Variants in PYGM observed in about 807,000 individuals in gnomAD.
PYGM encodes glycogen phosphorylase, muscle form.
Under a neutral mutation model 99.3 loss-of-function variants are expected in PYGM, and 81 were observed. The observed-to-expected ratio is 0.82, with a 90% confidence interval of 0.68 to 0.98. PYGM has a LOEUF of 0.98. Ranked by LOEUF, PYGM falls within the 50% of genes least tolerant of loss-of-function variation. The pLI is 0.00. For missense variants in PYGM, 1,030 were observed against 1,158.1 expected, an observed-to-expected ratio of 0.89 and a Z score of 1.61; for synonymous variants, 436 against 451.5, an observed-to-expected ratio of 0.97 and a Z score of 0.44.
At chr11:64,758,816 T>A (rs546289933) in intron 1 of PYGM, 112 bp from the exon 2 acceptor site, 17 of 930,700 alleles carry the variant, frequency 1.8e-5, no homozygotes, top group African/African-American at 3.2e-5. Context: ...AGCAGTCCCA[T>A]CCCTGTCCCC....
At chr11:64,752,116 C>T (rs764935376) in intron 13 of PYGM, 45 bp from the exon 14 acceptor site, 11 of 1,613,496 alleles carry the variant, frequency 6.8e-6, no homozygotes, top group Admixed American at 1.7e-5. Context: ...GCCACAGCCT[C>T]AGGAAATCCT....
intron 11 of PYGM, 88 bp downstream of exon 11, chr11:64,753,431 T>C: frequency 6.8e-7 from 1 of 1,472,788 alleles, no homozygotes; most frequent in Non-Finnish European, 9.1e-7. Flanking sequence ...GACCAGAGAG[T>C]GGTCGGTGAA....
intron 4 of PYGM, 38 bp downstream of exon 4, chr11:64,758,208 C>A: frequency 6.4e-7 from 1 of 1,563,324 alleles, no homozygotes; most frequent in South Asian, 1.1e-5. Context: ...CTTCCCCATC[C>A]TGACTAGACC....
Position 64,758,264 on chromosome 11 carries a change from C to T in PYGM, c.510G>A (p.Lys170=), listed in dbSNP as rs1214431808. ...TGCTCACCTGCCAGCCCCCGGAGAT[C>T]TTCTGGTTAAAAATCCCAAACTCAT... ...IRYEFGIFNQ[K]ISGGWQMEEA... The change falls in exon 4 of 20, where the codon AAG becomes AAA. Residue 170 remains lysine, a synonymous_variant. Transcript: ENST00000164139. 1.2e-6 allele frequency: 2 copies of T among 1,613,722 alleles called. No homozygotes were observed. Among genetic ancestry groups the T allele is most frequent in the Non-Finnish European group, 1.7e-6 (2 of 1,179,596 alleles).
At position 64,753,575 on chromosome 11, in the gene PYGM, C is replaced by T. The variant is rs141152121; in HGVS notation, c.1347G>A (p.Gly449=). Residue 449 remains glycine (G), a synonymous_variant, in exon 11 of 20, where the codon GGG becomes GGA. Coordinates refer to ENST00000164139, the MANE Select transcript of PYGM (RefSeq NM_005609.4). ...RINMAHLCIA[G]SHAVNGVARI... ...GCGCCACGCCGTTGACGGCGTGCGACCCCGCGATGCACAGGTGTGCCATGT... is the reference window on the plus strand; with the variant it reads ...GCGCCACGCCGTTGACGGCGTGCGATCCCGCGATGCACAGGTGTGCCATGT... The T allele has an allele frequency of 1.2e-6, 2 of 1,605,188 alleles. No homozygotes were observed. Among genetic ancestry groups the T allele is most frequent in the Non-Finnish European group, 1.7e-6 (2 of 1,178,068 alleles).
chr11:64,747,776 C>T (rs1372937992), intron 17 of PYGM: 2 of 299,468 alleles, frequency 6.7e-6, no homozygotes, highest in South Asian at 3.1e-5. Context: ...TGGTGGCTCA[C>T]GCCTGTAATC....
At position 64,753,861 on chromosome 11, in the gene PYGM, C is replaced by G. The variant is rs533410561; in HGVS notation, c.1239+18G>C. The G allele has an allele frequency of 1.0e-5, 16 of 1,560,344 alleles. No individual in the cohort carries two copies. The African/African-American group carries it at 2.2e-4, about 21-fold the overall frequency. On this transcript the variant is annotated intron_variant, in intron 10 of 19. Transcript: ENST00000164139. ...TCCCCCCTCACCCCCACACCATCCC[C>G]CAAGCCTCCGGACTCACGTTGAGGA...
Position 64,759,701 on chromosome 11 carries a change from C to T in PYGM, c.198G>A (p.Gly66=). 4 of 1,614,164 alleles carry T rather than the reference C, an allele frequency of 2.5e-6. No homozygotes were observed. Among genetic ancestry groups the T allele is most frequent in the Non-Finnish European group, 3.4e-6 (4 of 1,180,022 alleles). Residue 66 remains glycine, a synonymous_variant, in exon 1 of 20, where the codon GGG becomes GGA. Transcript: ENST00000164139. ...AGTGCTGCTGCGTGCGGATCCAGCG[C>T]CCCACGAGGTGGTCGCGCACGGTAT... ...LAHTVRDHLV[G]RWIRTQQHYY...
rs1348854811 is a variant in PYGM, at chr11:64,754,877, G to C, written c.856-41C>G. The C allele has an allele frequency of 2.5e-6, 4 of 1,610,280 alleles. No individual in the cohort carries two copies. The highest frequency in any genetic ancestry group is 3.4e-6 in the Non-Finnish European group (4 of 1,179,266). On this transcript the variant is annotated intron_variant, in intron 7 of 19. Coordinates refer to ENST00000164139, the MANE Select transcript of PYGM (RefSeq NM_005609.4). The surrounding 1 kb of genome is among the most constrained non-coding windows in gnomAD (Gnocchi z 5.5). ...GGCAGCGTGAGTCAGGGCGGTGGGG[G>C]CATGGCCTAAAGCTGCGGTGGGTGT...
chr11:64,758,688 G>A lies in PYGM; in HGVS notation c.260C>T (p.Ser87Phe). Residue 87 changes from serine to phenylalanine, a missense_variant, in exon 2 of 20, where the codon TCT becomes TTT. By Grantham distance (155) the Ser-to-Phe change is radical. Coordinates refer to ENST00000164139, the MANE Select transcript of PYGM (RefSeq NM_005609.4). ...CGTCCGTCCCATATAGAACTCTAAA[G>A]ACAGGTAGTAGATCCTCTGCCCAGA... ...EKDPKRIYYL[S>F]LEFYMGRTLQ... The A allele has an allele frequency of 1.2e-6, 2 of 1,609,046 alleles. No individual in the cohort carries two copies. Among genetic ancestry groups the A allele is most frequent in the Non-Finnish European group, 1.7e-6 (2 of 1,175,472 alleles).
chr11:64,760,398 C>A (rs1174396267), upstream of PYGM: 3 of 180,466 alleles, frequency 1.7e-5, no homozygotes, highest in Non-Finnish European at 3.6e-5. Flanking sequence ...CTAGCAGAGG[C>A]CACTGGATGT....
Position 64,752,198 on chromosome 11 carries a change from G to C in PYGM, c.1621-127C>G, listed in dbSNP as rs146026771. 2,054 of 1,408,126 alleles carry C rather than the reference G, an allele frequency of 1.5e-3. 25 individuals carry two copies. The African/African-American group carries it at 0.026, about 18-fold the overall frequency. 87.2% of individuals were successfully genotyped at this position (1,408,126 alleles called of 1,614,324 possible). A position where few individuals can be genotyped will look rare whatever the true frequency, so the allele number is the denominator to read the frequency against. ...TCACTGGCTACTTCTGTCCACTCCT[G>C]TACCAGGGCAGACATTGCTAATCAA... On this transcript the variant is annotated intron_variant, in intron 13 of 19. Coordinates refer to ENST00000164139, the MANE Select transcript of PYGM (RefSeq NM_005609.4).
Position 64,746,412 on chromosome 11 carries a change from A to C in PYGM, c.*247T>G, listed in dbSNP as rs1215131632. On this transcript the variant is annotated 3_prime_UTR_variant, in exon 20 of 20. Transcript: ENST00000164139. Reference sequence around the variant, plus strand: ...AGTAAGGAGGCTCCCAAGGAGAATGAATTTATTAGGGAGTGGGTGCAGTTG... The same window carrying C: ...AGTAAGGAGGCTCCCAAGGAGAATGCATTTATTAGGGAGTGGGTGCAGTTG... 3.4e-6 allele frequency: 2 copies of C among 593,832 alleles called. No individual in the cohort carries two copies. Among genetic ancestry groups the C allele is most frequent in the African/African-American group, 3.7e-5 (2 of 53,722 alleles). 36.8% of individuals were successfully genotyped at this position (593,832 alleles called of 1,614,324 possible). A position where few individuals can be genotyped will look rare whatever the true frequency, so the allele number is the denominator to read the frequency against.
Position 64,755,172 on chromosome 11 carries a change from TG to T in PYGM, c.855+100del. 1 of 1,334,890 alleles carries T rather than the reference TG, an allele frequency of 7.5e-7. No individual in the cohort carries two copies. Among genetic ancestry groups the T allele is most frequent in the East Asian group, 2.3e-5 (1 of 43,506 alleles). 82.7% of individuals were successfully genotyped at this position (1,334,890 alleles called of 1,614,324 possible). A position where few individuals can be genotyped will look rare whatever the true frequency, so the allele number is the denominator to read the frequency against. ...GATGCACAAGGCCAGCAATATGCCC[TG>T]GGTGTGACTAGGGCACCAGCAAGTG... On this transcript the variant is annotated intron_variant, in intron 7 of 19. Coordinates refer to ENST00000164139, the MANE Select transcript of PYGM (RefSeq NM_005609.4). The surrounding 1 kb of genome is among the most constrained non-coding windows in gnomAD (Gnocchi z 4.1).
At chr11:64,750,721 G>A in intron 16 of PYGM, 138 bp from the exon 17 acceptor site, 1 of 775,264 alleles carries the variant, frequency 1.3e-6, no homozygotes, top group Non-Finnish European at 2.1e-6. Context: ...CACCAGCCAA[G>A]CCTCCCTCTC....
rs1326178501 is a variant in PYGM, at chr11:64,751,763, C to T, written c.1769-108G>A. The T allele has an allele frequency of 2.6e-6, 4 of 1,524,748 alleles. No individual in the cohort carries two copies. The African/African-American group carries it at 4.1e-5, about 16-fold the overall frequency. The allele number at this position is 1,524,748 out of a possible 1,614,324, so 94.5% of individuals were successfully genotyped here. ...TAGGCCTGACTCGAACAATCACTTG[C>T]TATGCTCTCTTAGCCTCAGTTTGCC... is the stretch of plus-strand genomic sequence containing the variant. On this transcript the variant is annotated intron_variant, in intron 14 of 19. Transcript: ENST00000164139.
At position 64,759,891 on chromosome 11, in the gene PYGM, C is replaced by A; in HGVS notation, c.8G>T (p.Arg3Leu). Residue 3 changes from arginine (R) to leucine (L), a missense_variant, in exon 1 of 20, where the codon CGG (arginine) becomes CTG (leucine). Arg to Leu is a moderately radical substitution (Grantham distance 102). Coordinates refer to ENST00000164139, the MANE Select transcript of PYGM (RefSeq NM_005609.4). ...TCTTTTCTCTTGGTCTGACAGGGGC[C>A]GGGACATGGCTGCAGGAGGGCGGGC... MS[R>L]PLSDQEKRKQ... is the part of the protein sequence containing the mutation. The A allele has an allele frequency of 2.5e-6, 4 of 1,614,014 alleles. No homozygotes were observed. The highest frequency in any genetic ancestry group is 3.4e-6 in the Non-Finnish European group (4 of 1,180,002).
In PYGM at chr11:64,751,910, T is replaced by C. The variant is rs1592409541; in HGVS notation, c.1768+14A>G. On this transcript the variant is annotated intron_variant, in intron 14 of 19. Coordinates refer to ENST00000164139, the MANE Select transcript of PYGM (RefSeq NM_005609.4). Reference sequence around the variant, plus strand: ...GGGAGCACTGAGAGACAGGGTAGAGTGGCTGCCACTCACGGTTGTACAGGG... The same window carrying C: ...GGGAGCACTGAGAGACAGGGTAGAGCGGCTGCCACTCACGGTTGTACAGGG... 1 of 1,613,008 alleles carries C rather than the reference T, an allele frequency of 6.2e-7. No individual in the cohort carries two copies. The highest frequency in any genetic ancestry group is 1.3e-5 in the African/African-American group (1 of 74,776).
Position 64,751,337 on chromosome 11 carries a change from G to T in PYGM, c.1957C>A (p.Leu653Met). 1 of 1,614,182 alleles carries T rather than the reference G, an allele frequency of 6.2e-7. No individual in the cohort carries two copies. Among genetic ancestry groups the T allele is most frequent in the Non-Finnish European group, 8.5e-7 (1 of 1,180,042 alleles). ...VIFLENYRVS[L>M]AEKVIPAADL... Reference sequence around the variant, plus strand: ...TGGCAGCACCCACCTTTCTCGGCCAGTGAGACTCGGTAGTTCTCCAGGAAG... The same window carrying T: ...TGGCAGCACCCACCTTTCTCGGCCATTGAGACTCGGTAGTTCTCCAGGAAG... The change falls in exon 16 of 20, where the codon CTG becomes ATG. Residue 653 changes from leucine (L) to methionine (M), a missense_variant. By Grantham distance (15) the Leu-to-Met change is conservative. Transcript: ENST00000164139.
Sources: allele counts gnomAD v4.1 joint callset, GRCh38; gene constraint gnomAD v4.1.1; non-coding constraint Gnocchi (gnomAD v3.1); transcripts MANE v1.5; gene names NCBI Gene and HGNC (gene_info 2026-07-23, HGNC 2026-07-21).